TRNP1: variants seen among roughly 807,000 people sequenced by gnomAD.
TRNP1 encodes the protein TMF1 regulated nuclear protein 1.
Under a neutral mutation model 12.2 loss-of-function variants are expected in TRNP1, and 16 were observed. The ratio of observed to expected loss-of-function variants is 1.31; its 90% CI spans 0.89 to 1.99. The LOEUF (loss-of-function observed/expected upper bound fraction) is 1.99. Among genes scored for constraint, TRNP1 ranks in the 30% most tolerant of loss-of-function variants. The probability of loss-of-function intolerance (pLI) is 0.00; values close to 1 mark genes in which losing one functional copy is unlikely to be tolerated. For missense variants in TRNP1, 338 were observed against 330.4 expected, an observed-to-expected ratio of 1.02 and a Z score of -0.18; for synonymous variants, 139 against 166.2, an observed-to-expected ratio of 0.84 and a Z score of 1.26.
chr1:26,994,030 G>C lies in TRNP1; in HGVS notation c.244G>C (p.Gly82Arg). ...RWRQGASGIAGLAGPGGGSGA... is the reference protein window; with the variant it reads ...RWRQGASGIARLAGPGGGSGA... ...GCGCCAGGGCGCTAGCGGGATCGCGGGGCTCGCCGGCCCCGGAGGGGGCTC... is the reference window on the plus strand; with the variant it reads ...GCGCCAGGGCGCTAGCGGGATCGCGCGGCTCGCCGGCCCCGGAGGGGGCTC... Residue 82 changes from glycine to arginine, a missense_variant, in exon 1 of 2, where the codon GGG becomes CGG. Gly to Arg is a moderately radical substitution (Grantham distance 125, BLOSUM62 -2). Coordinates refer to ENST00000522111, the MANE Select transcript of TRNP1 (RefSeq NM_001013642.3). This position sits in a 1 kb window ranked among gnomAD's most constrained non-coding sequence, Gnocchi z 6.9. 1 of 1,240,272 alleles carries C rather than the reference G, an allele frequency of 8.1e-7. No individual in the cohort carries two copies. The highest frequency in any genetic ancestry group is 3.2e-5 in the East Asian group (1 of 31,392). 76.8% of individuals were successfully genotyped at this position (1,240,272 alleles called of 1,614,324 possible). A position where few individuals can be genotyped will look rare whatever the true frequency, so the allele number is the denominator to read the frequency against.
At position 26,994,197 on chromosome 1, in the gene TRNP1, C is replaced by T. The variant is rs571374604; in HGVS notation, c.411C>T (p.Ala137=). 9.1e-5 allele frequency: 117 copies of T among 1,291,866 alleles called. No homozygotes were observed. The African/African-American group carries it at 1.6e-3, about 18-fold the overall frequency. The allele number at this position is 1,291,866 out of a possible 1,614,324, so 80.0% of individuals were successfully genotyped here. The stretch of plus-strand genomic sequence containing the variant: ...AGCTGCACCGCGTTTTCTTGGCGGC[C>T]GAGCTGCGCCTGGCGCACCGCGCGG... ...VLQLHRVFLA[A]ELRLAHRAES... is the part of the protein sequence containing the mutation. The change falls in exon 1 of 2, where the codon GCC becomes GCT. Residue 137 remains alanine (A), a synonymous_variant. Coordinates refer to ENST00000522111, the MANE Select transcript of TRNP1 (RefSeq NM_001013642.3). The surrounding 1 kb of genome is among the most constrained non-coding windows in gnomAD (Gnocchi z 6.9).
In TRNP1 at chr1:27,000,030, G is replaced by A. The variant is rs1347637834; in HGVS notation, c.*326G>A. On this transcript the variant is annotated 3_prime_UTR_variant, in exon 2 of 2. Coordinates refer to ENST00000522111, the MANE Select transcript of TRNP1 (RefSeq NM_001013642.3). ...GTTCTGGAGAACTGGCTGATGCTCT[G>A]AATTTCTTCATATACCCCACATTTG... is the stretch of plus-strand genomic sequence containing the variant. The A allele has an allele frequency of 6.6e-6, 1 of 152,188 alleles. No homozygotes were observed. Among genetic ancestry groups the A allele is most frequent in the Non-Finnish European group, 1.5e-5 (1 of 68,050 alleles). 9.4% of individuals were successfully genotyped at this position (152,188 alleles called of 1,614,324 possible). A position where few individuals can be genotyped will look rare whatever the true frequency, so the allele number is the denominator to read the frequency against.
intron 1 of TRNP1, among the ~76,000 whole-genome samples, chr1:26,996,257 C>T (rs2082545027): frequency 1.3e-5 from 2 of 152,192 alleles, no homozygotes; most frequent in Non-Finnish European, 2.9e-5. Context: ...CCACAGGAAT[C>T]TGGGAGGGTC....
rs1187883173 is a variant in TRNP1 at position 26,993,748 on chromosome 1, G to A, written c.-39G>A. On this transcript the variant is annotated 5_prime_UTR_variant, in exon 1 of 2. Coordinates refer to ENST00000522111, the MANE Select transcript of TRNP1 (RefSeq NM_001013642.3). ...CGGGTGTGCTGTGGTCATCCTCCCT[G>A]CGCACCTACAGCCGCAGACCGCCGG... The A allele has an allele frequency of 1.6e-6, 2 of 1,282,916 alleles. No individual in the cohort carries two copies. Among genetic ancestry groups the A allele is most frequent in the East Asian group, 6.3e-5 (2 of 31,920 alleles). 79.5% of individuals were successfully genotyped at this position (1,282,916 alleles called of 1,614,324 possible). A position where few individuals can be genotyped will look rare whatever the true frequency, so the allele number is the denominator to read the frequency against.
intron 1 of TRNP1, among the ~76,000 whole-genome samples, chr1:26,999,351 T>G (rs1422302478): frequency 6.6e-6 from 1 of 152,152 alleles, no homozygotes; most frequent in Non-Finnish European, 1.5e-5. Context: ...GCCAGTGTAC[T>G]CCAGCCTGGG....
intron 1 of TRNP1, among the ~76,000 whole-genome samples, chr1:26,996,265 G>T (rs1386022983): frequency 6.6e-6 from 1 of 152,218 alleles, no homozygotes; most frequent in Non-Finnish European, 1.5e-5. Context: ...ATCTGGGAGG[G>T]TCAGGTGCAC....
chr1:26,994,225 AGCCTGAGCC>A lies in TRNP1; in HGVS notation c.448_456del (p.Arg150_Ser152del). On this transcript the variant is annotated inframe_deletion, in exon 1 of 2. Coordinates refer to ENST00000522111, the MANE Select transcript of TRNP1 (RefSeq NM_001013642.3). The surrounding 1 kb of genome is among the most constrained non-coding windows in gnomAD (Gnocchi z 6.9). ...GCTGCGCCTGGCGCACCGCGCGGAG[AGCCTGAGCC>A]GCCTGAGCGGCGGCGTGGCGCAGGC... The A allele has an allele frequency of 4.8e-6, 6 of 1,260,474 alleles. No homozygotes were observed. Among genetic ancestry groups the A allele is most frequent in the East Asian group, 3.5e-5 (1 of 28,684 alleles). 78.1% of individuals were successfully genotyped at this position (1,260,474 alleles called of 1,614,324 possible).
rs1439833130 is a variant in TRNP1 at position 26,994,727 on chromosome 1, A to T, written c.*142+115A>T. 1.1e-5 allele frequency: 2 copies of T among 183,956 alleles called. No individual in the cohort carries two copies. The highest frequency in any genetic ancestry group is 4.7e-5 in the African/African-American group (2 of 42,250). 11.4% of individuals were successfully genotyped at this position (183,956 alleles called of 1,614,324 possible). ...CTGGCGTCTGCTGGGTCCCTAGTAAAGCTGCCACTTTCTGTTGCCGCCTCT... is the reference window on the plus strand; with the variant it reads ...CTGGCGTCTGCTGGGTCCCTAGTAATGCTGCCACTTTCTGTTGCCGCCTCT... On this transcript the variant is annotated intron_variant, in intron 1 of 1. Transcript: ENST00000522111. The surrounding 1 kb of genome is among the most constrained non-coding windows in gnomAD (Gnocchi z 6.9).
Position 26,996,695 on chromosome 1 carries a change from A to G in TRNP1, c.*142+2083A>G, listed in dbSNP as rs547944108. ...CTAATGGTGTAAAGTGCTCGGTGCC[A>G]TCACAGTTTTGGCTTTCTCCAGGAT... On this transcript the variant is annotated intron_variant, in intron 1 of 1. Coordinates refer to ENST00000522111, the MANE Select transcript of TRNP1 (RefSeq NM_001013642.3). Among the ~76,000 whole-genome samples, 3 of 152,186 alleles carry G rather than the reference A, an allele frequency of 2.0e-5. 1 individual carries two copies. Among genetic ancestry groups the G allele is most frequent in the Middle Eastern group, 6.8e-3 (2 of 294 alleles).
intron 1 of TRNP1, among the ~76,000 whole-genome samples, chr1:26,996,862 C>A (rs1161831133): frequency 2.0e-5 from 3 of 151,920 alleles, no homozygotes; most frequent in Non-Finnish European, 2.9e-5. Flanking sequence ...AGCTCTGCCC[C>A]CTCCCTCCAC....
intron 1 of TRNP1, among the ~76,000 whole-genome samples, chr1:26,999,454 G>A (rs960284001): frequency 6.6e-6 from 1 of 152,214 alleles, no homozygotes; most frequent in Non-Finnish European, 1.5e-5. Context: ...GTAGAGATCC[G>A]TAAATGATGG....
intron 1 of TRNP1, among the ~76,000 whole-genome samples, chr1:26,996,900 A>C (rs2082547666): frequency 6.6e-6 from 1 of 151,964 alleles, no homozygotes; most frequent in Admixed American, 6.6e-5. Context: ...CTCCTCATCA[A>C]GCTTCCTGGC....
intron 1 of TRNP1, among the ~76,000 whole-genome samples, chr1:26,998,568 A>T (rs1426249259): frequency 6.6e-6 from 1 of 152,184 alleles, no homozygotes; most frequent in East Asian, 1.9e-4. Flanking sequence ...GCCTGCTGTC[A>T]TGAGAGCGGT....
In TRNP1 at chr1:26,994,570, G is replaced by A; in HGVS notation, c.*100G>A. The A allele has an allele frequency of 1.1e-6, 1 of 930,850 alleles. No homozygotes were observed. The allele number at this position is 930,850 out of a possible 1,614,324, so 57.7% of individuals were successfully genotyped here. On this transcript the variant is annotated 3_prime_UTR_variant, in exon 1 of 2. Transcript: ENST00000522111. This position sits in a 1 kb window ranked among gnomAD's most constrained non-coding sequence, Gnocchi z 6.9. ...GGCTGGAAGGACTACGGATCCGCAGGAAGAGGCAGTTGGGGGCCAGGGGCC... is the reference window on the plus strand; with the variant it reads ...GGCTGGAAGGACTACGGATCCGCAGAAAGAGGCAGTTGGGGGCCAGGGGCC...
chr1:26,999,185 T>A (rs1176020865), intron 1 of TRNP1, among the ~76,000 whole-genome samples: 2 of 152,048 alleles, frequency 1.3e-5, no homozygotes. Flanking sequence ...TCCCTGTAGA[T>A]CTGGGCTGGC....
chr1:26,994,112 G>A lies in TRNP1; in HGVS notation c.326G>A (p.Arg109Gln), dbSNP rs2082532525. Residue 109 changes from arginine to glutamine, a missense_variant, in exon 1 of 2, where the codon CGG becomes CAG. Coordinates refer to ENST00000522111, the MANE Select transcript of TRNP1 (RefSeq NM_001013642.3). The surrounding 1 kb of genome is among the most constrained non-coding windows in gnomAD (Gnocchi z 6.9). ...RALELAEARRRLLEVEGRRRL... is the reference protein window; with the variant it reads ...RALELAEARRQLLEVEGRRRL... ...CTGGAGCTGGCCGAAGCACGGCGGC[G>A]GCTGCTGGAGGTGGAGGGCCGCCGG... 8.2e-7 allele frequency: 1 copy of A among 1,220,058 alleles called. No individual in the cohort carries two copies. The highest frequency in any genetic ancestry group is 1.6e-5 in the African/African-American group (1 of 63,320). The allele number at this position is 1,220,058 out of a possible 1,614,324, so 75.6% of individuals were successfully genotyped here. A position where few individuals can be genotyped will look rare whatever the true frequency, so the allele number is the denominator to read the frequency against.
intron 1 of TRNP1, among the ~76,000 whole-genome samples, chr1:26,998,788 A>G (rs1484918647): frequency 6.6e-6 from 1 of 152,216 alleles, no homozygotes; most frequent in East Asian, 1.9e-4. Flanking sequence ...AGTAAGGGTT[A>G]TTATTCCCAT....
intron 1 of TRNP1, among the ~76,000 whole-genome samples, chr1:26,995,002 G>T (rs1261243009): frequency 6.6e-6 from 1 of 152,230 alleles, no homozygotes; most frequent in Non-Finnish European, 1.5e-5. Context: ...CCTTCGGGAG[G>T]ACAGAATAAT....
intron 1 of TRNP1, among the ~76,000 whole-genome samples, chr1:26,996,121 A>G (rs1374961814): frequency 6.6e-6 from 1 of 152,104 alleles, no homozygotes; most frequent in Non-Finnish European, 1.5e-5. Flanking sequence ...GGCTAGGGAG[A>G]GTTGTCCTCT....
Sources: gnomAD v4.1 joint callset for allele counts (sites outside exome capture counted in the v4.1 genomes callset) on GRCh38, gnomAD v4.1.1 for gene constraint, Gnocchi (gnomAD v3.1) non-coding constraint, MANE v1.5 for transcripts, NCBI Gene and HGNC (gene_info 2026-07-23, HGNC 2026-07-21) for gene names.